Variants in CNTN3 observed in about 807,000 individuals in gnomAD.
CNTN3 encodes the protein contactin 3, also known as contactin-3.
In CNTN3, 60 loss-of-function variants were observed where a neutral mutation model predicts 119.1. The ratio of observed to expected loss-of-function variants is 0.50; its 90% CI spans 0.41 to 0.62. The LOEUF (loss-of-function observed/expected upper bound fraction) is 0.62. Among genes scored for constraint, CNTN3 ranks in the 20% least tolerant of loss-of-function variants. CNTN3 has a pLI of 0.00. For synonymous variants in CNTN3, 450 were observed against 438.7 expected (o/e 1.03, Z -0.32); for missense variants, 1,101 against 1,242.4 (o/e 0.89, Z 1.71).
intron 13 of CNTN3, among the ~76,000 whole-genome samples, chr3:74,313,194 G>A (rs1455132189): frequency 6.6e-6 from 1 of 151,720 alleles, no homozygotes; most frequent in Non-Finnish European, 1.5e-5. Context: ...ACTACCAAGG[G>A]TATAACATAC....
chr3:74,288,817 A>G (rs952584409), intron 19 of CNTN3, among the ~76,000 whole-genome samples: 3 of 152,142 alleles, frequency 2.0e-5, no homozygotes, highest in Admixed American at 6.5e-5. Flanking sequence ...GCCTCTCTTC[A>G]TCATGTCTGT....
intron 11 of CNTN3, among the ~76,000 whole-genome samples, chr3:74,353,754 T>A (rs1260595150): frequency 6.6e-6 from 1 of 151,718 alleles, no homozygotes; most frequent in African/African-American, 2.4e-5. Flanking sequence ...AGACTCCGTC[T>A]CAAAAAAAAA....
chr3:74,365,730 A>G, intron 8 of CNTN3, 28 bp from the exon 9 acceptor site: 1 of 1,590,404 alleles, frequency 6.3e-7, no homozygotes, highest in East Asian at 2.2e-5. Flanking sequence ...GAAAAAGAAA[A>G]GAAATTTAAA....
At chr3:74,504,138 A>T (rs2107087699) in intron 2 of CNTN3, among the ~76,000 whole-genome samples, 1 of 152,312 alleles carries the variant, frequency 6.6e-6, no homozygotes, top group South Asian at 2.1e-4. Context: ...CAATGATGGT[A>T]TCTGAAATTC....
intron 1 of CNTN3, among the ~76,000 whole-genome samples, chr3:74,584,731 G>C (rs969866219): frequency 2.0e-5 from 3 of 152,134 alleles, no homozygotes; most frequent in Non-Finnish European, 4.4e-5. Context: ...TGTTATATAT[G>C]TATTATTGCA....
At chr3:74,366,807 T>TATATATATATATATATAA (rs1287883934) in intron 8 of CNTN3, among the ~76,000 whole-genome samples, 1 of 132,676 alleles carries the variant, frequency 7.5e-6, no homozygotes, top group African/African-American at 2.7e-5. Flanking sequence ...TATATATATA[T>TATATATATATATATATAA]AACTTGCTCA....
intron 13 of CNTN3, among the ~76,000 whole-genome samples, chr3:74,319,019 TACAA>T (rs1214493940): frequency 6.6e-6 from 1 of 152,060 alleles, no homozygotes; most frequent in Non-Finnish European, 1.5e-5. Flanking sequence ...TAAAAGAGAA[TACAA>T]ACAAATGGAA....
chr3:74,348,591 T>G, intron 11 of CNTN3, among the ~76,000 whole-genome samples: 1 of 152,042 alleles, frequency 6.6e-6, no homozygotes, highest in Middle Eastern at 3.2e-3. Flanking sequence ...GGAGAGACCA[T>G]AAGCAGAGGC....
chr3:74,288,159 C>CTTTTTTTTTTTTTTTTT (rs3084509), intron 19 of CNTN3, among the ~76,000 whole-genome samples: 9 of 90,376 alleles, frequency 1.0e-4, no homozygotes, highest in African/African-American at 1.3e-4. Context: ...CTTTTCTTTT[C>CTTTTTTTTTTTTTTTTT]TTTTTTTTTT....
intron 4 of CNTN3, among the ~76,000 whole-genome samples, chr3:74,457,174 T>C (rs1190694805): frequency 6.6e-6 from 1 of 152,060 alleles, no homozygotes; most frequent in Non-Finnish European, 1.5e-5. Flanking sequence ...AACAAGATTA[T>C]AAAATTGTCT....
intron 13 of CNTN3, among the ~76,000 whole-genome samples, chr3:74,314,352 A>C (rs775642865): frequency 6.6e-6 from 1 of 152,222 alleles, no homozygotes; most frequent in Non-Finnish European, 1.5e-5. Context: ...GCATCAATTA[A>C]AAGATAGAAA....
At chr3:74,438,114 C>G (rs1333536945) in intron 4 of CNTN3, among the ~76,000 whole-genome samples, 1 of 152,130 alleles carries the variant, frequency 6.6e-6, no homozygotes, top group Non-Finnish European at 1.5e-5. Context: ...TGACATTATT[C>G]TGAATATGGG....
intron 3 of CNTN3, among the ~76,000 whole-genome samples, chr3:74,487,002 G>T (rs1334598776): frequency 1.3e-5 from 2 of 152,112 alleles, no homozygotes; most frequent in Non-Finnish European, 2.9e-5. Context: ...AATGAAGGAA[G>T]AAAACAGCAC....
intron 8 of CNTN3, among the ~76,000 whole-genome samples, chr3:74,366,514 G>A (rs1265940704): frequency 2.6e-5 from 4 of 151,806 alleles, no homozygotes; most frequent in Non-Finnish European, 4.4e-5. Flanking sequence ...AAACTGGGAG[G>A]TGAGATGCCT....
intron 1 of CNTN3, among the ~76,000 whole-genome samples, chr3:74,589,228 A>C (rs1460064777): frequency 6.6e-6 from 1 of 152,246 alleles, no homozygotes; most frequent in Non-Finnish European, 1.5e-5. Context: ...GCTAATATCC[A>C]GAATCTACAA....
chr3:74,348,361 A>T (rs1173801636), intron 11 of CNTN3, among the ~76,000 whole-genome samples: 1 of 152,150 alleles, frequency 6.6e-6, no homozygotes, highest in Admixed American at 6.5e-5. Context: ...TGAGGGGGAG[A>T]AAGTAAAGTC....
chr3:74,360,578 C>A (rs149528947), intron 11 of CNTN3, among the ~76,000 whole-genome samples: 24 of 152,242 alleles, frequency 1.6e-4, no homozygotes, highest in African/African-American at 5.8e-4. Context: ...TCAATTTGTT[C>A]TCTTACAGTT....
At chr3:74,305,903 G>A (rs2106826669) in intron 13 of CNTN3, among the ~76,000 whole-genome samples, 1 of 151,746 alleles carries the variant, frequency 6.6e-6, no homozygotes, top group South Asian at 2.1e-4. Flanking sequence ...ACCCCTAAAT[G>A]CTCAGCTTTC....
intron 1 of CNTN3, among the ~76,000 whole-genome samples, chr3:74,561,587 C>A (rs1158696093): frequency 6.6e-6 from 1 of 152,164 alleles, no homozygotes; most frequent in Non-Finnish European, 1.5e-5. Context: ...CTCTGCTCAG[C>A]AGAGGCCTCC....
Sources: gnomAD v4.1 joint callset for allele counts (sites outside exome capture counted in the v4.1 genomes callset) on GRCh38, gnomAD v4.1.1 for gene constraint, MANE v1.5 for transcripts, NCBI Gene and HGNC (gene_info 2026-07-23, HGNC 2026-07-21) for gene names.